NUBPL: variants seen among roughly 807,000 people sequenced by gnomAD.
NUBPL encodes NUBP iron-sulfur cluster assembly factor, mitochondrial.
In NUBPL, 31 loss-of-function variants were observed where a neutral mutation model predicts 45.7. The ratio of observed to expected loss-of-function variants is 0.68; its 90% CI spans 0.51 to 0.92. The LOEUF (loss-of-function observed/expected upper bound fraction) is 0.92, where lower values mean the gene tolerates loss of function less well. Among genes scored for constraint, NUBPL ranks in the 40% least tolerant of loss-of-function variants. NUBPL has a pLI of 0.00. For synonymous variants in NUBPL, 144 were observed against 140.9 expected, an observed-to-expected ratio of 1.02 and a Z score of -0.15; for missense variants, 401 against 398.7, an observed-to-expected ratio of 1.01 and a Z score of -0.05.
At chr14:31,717,808 C>T (rs937918065) in intron 6 of NUBPL, among the ~76,000 whole-genome samples, 3 of 151,764 alleles carry the variant, frequency 2.0e-5, no homozygotes, top group Non-Finnish European at 2.9e-5. Flanking sequence ...TTTCAGCTTT[C>T]GGCCCCGACT....
intron 6 of NUBPL, among the ~76,000 whole-genome samples, chr14:31,731,450 A>G (rs1047406542): frequency 6.6e-6 from 1 of 152,216 alleles, no homozygotes; most frequent in Non-Finnish European, 1.5e-5. Flanking sequence ...ACTGCTGTTA[A>G]TGCAGTTTTT....
intron 8 of NUBPL, among the ~76,000 whole-genome samples, chr14:31,842,159 C>T (rs529566827): frequency 2.6e-5 from 4 of 151,658 alleles, no homozygotes; most frequent in African/African-American, 9.7e-5. Context: ...TTGATCTGAC[C>T]TCATGATCCG....
intron 4 of NUBPL, chr14:31,667,890 A>G: frequency 6.3e-6 from 1 of 159,538 alleles, no homozygotes; most frequent in East Asian, 1.8e-4. Context: ...GAGGCTGCAG[A>G]ACAGCAAAGA....
chr14:31,622,261 C>T (rs2035083167), intron 4 of NUBPL, among the ~76,000 whole-genome samples: 1 of 152,100 alleles, frequency 6.6e-6, no homozygotes, highest in South Asian at 2.1e-4. Flanking sequence ...CAGTCATATG[C>T]ATTTACAAAG....
chr14:31,709,553 G>T (rs551997530), intron 6 of NUBPL, among the ~76,000 whole-genome samples: 222 of 116,946 alleles, frequency 1.9e-3, no homozygotes, highest in Middle Eastern at 0.019. Flanking sequence ...TGCAGCTAAA[G>T]CTGCATTCTT....
intron 4 of NUBPL, among the ~76,000 whole-genome samples, chr14:31,643,316 T>G (rs1053498305): frequency 3.9e-5 from 6 of 152,166 alleles, no homozygotes; most frequent in Non-Finnish European, 8.8e-5. Flanking sequence ...TATTTTGAAG[T>G]GTGTTCCTTC....
chr14:31,668,952 G>A (rs768904688), intron 4 of NUBPL, among the ~76,000 whole-genome samples: 2 of 152,158 alleles, frequency 1.3e-5, no homozygotes, highest in African/African-American at 4.8e-5. Context: ...CATTGGTCTC[G>A]CTGGGAGCTG....
intron 6 of NUBPL, among the ~76,000 whole-genome samples, chr14:31,781,283 C>G (rs1315131799): frequency 1.3e-5 from 2 of 152,162 alleles, no homozygotes; most frequent in African/African-American, 4.8e-5. Context: ...CCTAAGCAAT[C>G]TTTGTTTCCT....
intron 6 of NUBPL, among the ~76,000 whole-genome samples, chr14:31,764,100 T>C (rs2038868088): frequency 6.6e-6 from 1 of 152,146 alleles, no homozygotes; most frequent in Admixed American, 6.6e-5. Context: ...ATCCAATTAT[T>C]TTTTCTTCTA....
chr14:31,638,831 C>T, intron 4 of NUBPL, among the ~76,000 whole-genome samples: 2 of 152,204 alleles, frequency 1.3e-5, no homozygotes, highest in South Asian at 4.1e-4. Context: ...TCATTTCATT[C>T]ATTTCATCTT....
chr14:31,836,825 AAAT>A (rs2040288748), intron 8 of NUBPL, among the ~76,000 whole-genome samples: 1 of 152,174 alleles, frequency 6.6e-6, no homozygotes, highest in Non-Finnish European at 1.5e-5. Flanking sequence ...TAGAATATAT[AAAT>A]AATATGTATG....
At chr14:31,727,077 T>G (rs1315917308) in intron 6 of NUBPL, among the ~76,000 whole-genome samples, 2 of 152,084 alleles carry the variant, frequency 1.3e-5, no homozygotes, top group Non-Finnish European at 2.9e-5. Flanking sequence ...AACACACCCA[T>G]GCTAATAGAT....
At chr14:31,810,930 A>G (rs1229796256) in intron 7 of NUBPL, among the ~76,000 whole-genome samples, 1 of 152,194 alleles carries the variant, frequency 6.6e-6, no homozygotes, top group Non-Finnish European at 1.5e-5. Context: ...TTCTTAAAGA[A>G]TGTTGAATAT....
intron 6 of NUBPL, among the ~76,000 whole-genome samples, chr14:31,783,484 T>C (rs1323456429): frequency 2.6e-5 from 4 of 152,088 alleles, no homozygotes; most frequent in Non-Finnish European, 4.4e-5. Context: ...CTGTGAAGTA[T>C]TTTTTGTTCC....
intron 7 of NUBPL, among the ~76,000 whole-genome samples, chr14:31,814,930 A>G (rs143821792): frequency 0.076 from 11,624 of 151,982 alleles, 496 homozygotes; most frequent in Non-Finnish European, 0.092. Context: ...TGCTGTTTTG[A>G]TTGCTGTAGA....
At chr14:31,675,080 T>C (rs1370856572) in intron 6 of NUBPL, among the ~76,000 whole-genome samples, 1 of 149,742 alleles carries the variant, frequency 6.7e-6, no homozygotes, top group African/African-American at 2.5e-5. Flanking sequence ...GAGCTTGCAG[T>C]GAGCCGAGAT....
rs1187374161 is a variant in NUBPL, at chr14:31,647,387, C to G, written c.383-25968C>G. Reference sequence around the variant, plus strand: ...TTGTATTTTTGAATTTCTTTTTTTTCTTGTTAGGTTGCTGCCCCCTTTTTG... The same window carrying G: ...TTGTATTTTTGAATTTCTTTTTTTTGTTGTTAGGTTGCTGCCCCCTTTTTG... On this transcript the variant is annotated intron_variant, in intron 4 of 10. Transcript: ENST00000281081. Among the ~76,000 whole-genome samples the G allele has an allele frequency of 3.3e-5, 5 of 151,888 alleles. No individual in the cohort carries two copies. The East Asian group carries it at 7.7e-4, about 23-fold the overall frequency.
chr14:31,676,427 G>A (rs1322615036), intron 6 of NUBPL, among the ~76,000 whole-genome samples: 1 of 151,944 alleles, frequency 6.6e-6, no homozygotes, highest in Admixed American at 6.6e-5. Context: ...TTGCTAAGTA[G>A]GATTCCATTG....
Position 31,562,063 on chromosome 14 carries a change from T to A in NUBPL, c.109-5T>A. On this transcript the variant is annotated splice_polypyrimidine_tract_variant and splice_region_variant and intron_variant, in intron 1 of 10. Coordinates refer to ENST00000281081, the MANE Select transcript of NUBPL (RefSeq NM_025152.3). ...ACGGCTTTTTATTATTATTATTTTTTAAAGTTGTCTGGCGCCGGGAGTGAG... is the reference window on the plus strand; with the variant it reads ...ACGGCTTTTTATTATTATTATTTTTAAAAGTTGTCTGGCGCCGGGAGTGAG... 6.4e-7 allele frequency: 1 copy of A among 1,569,830 alleles called. No homozygotes were observed. Among genetic ancestry groups the A allele is most frequent in the Non-Finnish European group, 8.6e-7 (1 of 1,156,946 alleles).
Sources: gnomAD v4.1 joint callset for allele counts (sites outside exome capture counted in the v4.1 genomes callset) on GRCh38, gnomAD v4.1.1 for gene constraint, MANE v1.5 for transcripts, NCBI Gene and HGNC (gene_info 2026-07-23, HGNC 2026-07-21) for gene names.